NETO1: variants seen among roughly 807,000 people sequenced by gnomAD.
NETO1 encodes the protein neuropilin and tolloid like 1.
In NETO1, 26 loss-of-function variants were observed where a neutral mutation model predicts 61.3. That is an observed-to-expected ratio of 0.42 (90% CI 0.31 to 0.59). The LOEUF (loss-of-function observed/expected upper bound fraction) is 0.59. Ranked by LOEUF, NETO1 falls within the 20% of genes least tolerant of loss-of-function variation. The pLI is 0.12. For missense variants in NETO1, 531 were observed against 662.8 expected, an observed-to-expected ratio of 0.80 and a Z score of 2.18; for synonymous variants, 225 against 225.8, an observed-to-expected ratio of 1.00 and a Z score of 0.03.
chr18:72,801,341 G>T (rs2072500500), intron 4 of NETO1, among the ~76,000 whole-genome samples: 1 of 152,012 alleles, frequency 6.6e-6, no homozygotes, highest in African/African-American at 2.4e-5. Flanking sequence ...TATGAGCCCA[G>T]GAGTGTTCCT....
At chr18:72,780,040 C>T (rs959964336) in intron 7 of NETO1, among the ~76,000 whole-genome samples, 6 of 152,170 alleles carry the variant, frequency 3.9e-5, no homozygotes, top group African/African-American at 1.4e-4. Flanking sequence ...ATGAGCTAAT[C>T]ACCTCTCAAA....
At chr18:72,817,191 C>G (rs137993743) in intron 4 of NETO1, among the ~76,000 whole-genome samples, 1 of 152,174 alleles carries the variant, frequency 6.6e-6, no homozygotes, top group Non-Finnish European at 1.5e-5. Context: ...CTAGACATGG[C>G]GGTTCCTGCT....
chr18:72,784,532 G>GCAA (rs2071850309), intron 6 of NETO1, among the ~76,000 whole-genome samples: 2 of 152,102 alleles, frequency 1.3e-5, no homozygotes, highest in Non-Finnish European at 2.9e-5. Context: ...AATGTACTGT[G>GCAA]CAACTTGCTT....
Position 72,830,345 on chromosome 18 carries a change from C to T in NETO1, c.469+28481G>A, listed in dbSNP as rs2073534729. Among the ~76,000 whole-genome samples the T allele has an allele frequency of 1.3e-5, 2 of 152,052 alleles. No homozygotes were observed. The highest frequency in any genetic ancestry group is 4.2e-4 in the South Asian group (2 of 4,818). ...TCAGCACCCTGGACAGCGTCCAAAC[C>T]CCAGAAACGGGTTGGCAGGGAGGCC... On this transcript the variant is annotated intron_variant, in intron 4 of 10. Transcript: ENST00000327305. This position sits in a 1 kb window ranked among gnomAD's most constrained non-coding sequence, Gnocchi z 4.9.
chr18:72,793,462 T>C (rs1371732255), intron 6 of NETO1, among the ~76,000 whole-genome samples: 1 of 152,176 alleles, frequency 6.6e-6, no homozygotes. Context: ...TGTAATACTT[T>C]TAATTTTTAT....
chr18:72,814,922 C>T (rs900094496), intron 4 of NETO1, among the ~76,000 whole-genome samples: 4 of 148,984 alleles, frequency 2.7e-5, no homozygotes, highest in Middle Eastern at 3.6e-3. Context: ...AGGGACAGAG[C>T]TTATCAAAGA....
At chr18:72,805,980 A>C (rs764839585) in intron 4 of NETO1, among the ~76,000 whole-genome samples, 7 of 152,198 alleles carry the variant, frequency 4.6e-5, no homozygotes, top group Non-Finnish European at 8.8e-5. Context: ...TTTGTCCTAC[A>C]GAGGAATAAA....
At chr18:72,801,118 A>T (rs996740037) in intron 4 of NETO1, among the ~76,000 whole-genome samples, 3 of 152,156 alleles carry the variant, frequency 2.0e-5, no homozygotes, top group Admixed American at 6.6e-5. Context: ...AATCTTCTTT[A>T]AAAAATTCCT....
rs1364769141 is a variant in NETO1, at chr18:72,749,078, T to C, written c.1552A>G (p.Ile518Val). 3 of 1,604,004 alleles carry C rather than the reference T, an allele frequency of 1.9e-6. No individual in the cohort carries two copies. Among genetic ancestry groups the C allele is most frequent in the Admixed American group, 3.3e-5 (2 of 59,978 alleles). ...GATTCATGTTTGCTTAGAGACCCAA[T>C]GAGGCAGAACCTGGAATGTTATGGC... Reference protein sequence around the residue: ...HDKAVQRFCLIGSLSKHESEY... With the variant: ...HDKAVQRFCLVGSLSKHESEY... The change falls in exon 10 of 11, where the codon ATT (isoleucine) becomes GTT (valine). Residue 518 changes from isoleucine (I) to valine (V), a missense_variant. Transcript: ENST00000327305.
rs1599079749 is a variant in NETO1 at position 72,750,361 on chromosome 18, A to G, written c.1242T>C (p.Phe414=). ...TADFADVADD[F]ENYHKLRRSS... ...ACCTCCGCAGTTTATGGTAATTTTC[A>G]AAGTCATCTGCCACATCTGCAAAGT... is the stretch of plus-strand genomic sequence containing the variant. Residue 414 remains phenylalanine, a synonymous_variant, in exon 9 of 11, where the codon TTT becomes TTC. Transcript: ENST00000327305. The G allele has an allele frequency of 1.2e-6, 2 of 1,614,100 alleles. No individual in the cohort carries two copies. Among genetic ancestry groups the G allele is most frequent in the East Asian group, 4.5e-5 (2 of 44,864 alleles).
At chr18:72,758,276 A>G (rs2070850346) in intron 7 of NETO1, among the ~76,000 whole-genome samples, 1 of 152,022 alleles carries the variant, frequency 6.6e-6, no homozygotes, top group African/African-American at 2.4e-5. Context: ...GTAATTCAGG[A>G]ATGTCAATAA....
intron 4 of NETO1, among the ~76,000 whole-genome samples, chr18:72,796,453 C>T (rs564960014): frequency 6.6e-6 from 1 of 152,220 alleles, no homozygotes; most frequent in East Asian, 1.9e-4. Flanking sequence ...GTTACAGATG[C>T]CTTTGCAAAG....
intron 7 of NETO1, among the ~76,000 whole-genome samples, chr18:72,766,463 G>T (rs1008279764): frequency 6.6e-6 from 1 of 151,994 alleles, no homozygotes; most frequent in Non-Finnish European, 1.5e-5. Context: ...GAAAAATGGT[G>T]ACCAGACTTG....
At chr18:72,762,699 C>A (rs958630308) in intron 7 of NETO1, among the ~76,000 whole-genome samples, 1 of 152,218 alleles carries the variant, frequency 6.6e-6, no homozygotes, top group Admixed American at 6.5e-5. Flanking sequence ...AAACCCTCAT[C>A]TATTCCCATT....
chr18:72,826,270 C>T (rs1186116956), intron 4 of NETO1, among the ~76,000 whole-genome samples: 1 of 152,058 alleles, frequency 6.6e-6, no homozygotes, highest in Non-Finnish European at 1.5e-5. Context: ...TGATTTTTAT[C>T]CTAAATTATA....
In NETO1 at chr18:72,745,273, A is replaced by G. The variant is rs1054551013; in HGVS notation, c.*2906T>C. ...TATATAAAAACATACAAAATAAATC[A>G]GATTTCCAAATTAGAACCTTGAAAT... On this transcript the variant is annotated 3_prime_UTR_variant, in exon 11 of 11. Coordinates refer to ENST00000327305, the MANE Select transcript of NETO1 (RefSeq NM_138966.5). The G allele has an allele frequency of 6.6e-6, 1 of 152,240 alleles. No homozygotes were observed. Among genetic ancestry groups the G allele is most frequent in the African/African-American group, 2.4e-5 (1 of 41,472 alleles). The allele number at this position is 152,240 out of a possible 1,614,324, so 9.4% of individuals were successfully genotyped here.
intron 7 of NETO1, among the ~76,000 whole-genome samples, chr18:72,777,282 G>A (rs1216430133): frequency 6.6e-6 from 1 of 152,122 alleles, no homozygotes; most frequent in African/African-American, 2.4e-5. Context: ...GCCTGGTGTA[G>A]TGGTGTATGC....
intron 4 of NETO1, among the ~76,000 whole-genome samples, chr18:72,828,968 TA>T (rs11354646): frequency 0.8 from 121,975 of 151,570 alleles, 49,749 homozygotes; most frequent in Non-Finnish European, 0.86. Flanking sequence ...AGAACTGTTC[TA>T]AAAAAAAAAT....
rs1382346295 is a variant in NETO1, at chr18:72,867,703, C to CGAGCCG, written c.-418_-413dup. On this transcript the variant is annotated 5_prime_UTR_variant, in exon 1 of 11. Coordinates refer to ENST00000327305, the MANE Select transcript of NETO1 (RefSeq NM_138966.5). ...TCGCAGGGCGAGCCCCGGGACGCCCCGAGCCGGGGCCGGGGCCGGGGAGAG... is the reference window on the plus strand; with the variant it reads ...TCGCAGGGCGAGCCCCGGGACGCCCCGAGCCGGAGCCGGGGCCGGGGCCGGGGAGAG... 1 of 150,158 alleles carries CGAGCCG rather than the reference C, an allele frequency of 6.7e-6. No homozygotes were observed. The highest frequency in any genetic ancestry group is 1.5e-5 in the Non-Finnish European group (1 of 67,150). The allele number at this position is 150,158 out of a possible 1,614,324, so 9.3% of individuals were successfully genotyped here.
Sources: gnomAD v4.1 joint callset for allele counts (sites outside exome capture counted in the v4.1 genomes callset) on GRCh38, gnomAD v4.1.1 for gene constraint, Gnocchi (gnomAD v3.1) non-coding constraint, MANE v1.5 for transcripts, NCBI Gene and HGNC (gene_info 2026-07-23, HGNC 2026-07-21) for gene names.